SVEP1: variants seen among roughly 807,000 people sequenced by gnomAD.
The protein encoded by SVEP1 is sushi, von Willebrand factor type A, EGF and pentraxin domain containing 1.
A neutral mutation model predicts 367.3 loss-of-function variants in SVEP1; 164 were observed. The ratio of observed to expected loss-of-function variants is 0.45; its 90% CI spans 0.39 to 0.51. SVEP1 has a LOEUF of 0.51. SVEP1 is among the 20% of genes least tolerant of loss of function. The probability of loss-of-function intolerance (pLI) is 0.00; values close to 1 mark genes in which losing one functional copy is unlikely to be tolerated. For synonymous variants in SVEP1, 1,666 were observed against 1,611.6 expected, an observed-to-expected ratio of 1.03 and a Z score of -0.81; for missense variants, 4,117 against 4,425.3, an observed-to-expected ratio of 0.93 and a Z score of 1.98.
chr9:110,434,250 C>A, intron 30 of SVEP1, 86 bp downstream of exon 30: 1 of 1,380,140 alleles, frequency 7.2e-7, no homozygotes, highest in Non-Finnish European at 9.8e-7. Flanking sequence ...GTGAAGTATT[C>A]ACTCTTTGTC....
intron 3 of SVEP1, among the ~76,000 whole-genome samples, chr9:110,527,593 A>G (rs1035188925): frequency 7.2e-5 from 11 of 152,134 alleles, no homozygotes; most frequent in Non-Finnish European, 1.2e-4. Context: ...TGGCTCAGAA[A>G]TATTTTCATT....
Position 110,544,178 on chromosome 9 carries a change from G to A in SVEP1, c.964+1937C>T, listed in dbSNP as rs576832724. Among the ~76,000 whole-genome samples, 9 of 152,242 alleles carry A rather than the reference G, an allele frequency of 5.9e-5. 1 individual carries two copies. In the South Asian group the frequency reaches 1.7e-3, roughly 28 times the overall value. ...AAAAAAGAAAGGAGAAAAGAAGAGAGAAACTTTCAGACAGACAAGAGAACC... is the reference window on the plus strand; with the variant it reads ...AAAAAAGAAAGGAGAAAAGAAGAGAAAAACTTTCAGACAGACAAGAGAACC... On this transcript the variant is annotated intron_variant, in intron 3 of 47. Transcript: ENST00000374469.
At chr9:110,520,664 G>A (rs990911627) in intron 3 of SVEP1, among the ~76,000 whole-genome samples, 10 of 152,060 alleles carry the variant, frequency 6.6e-5, no homozygotes, top group African/African-American at 1.7e-4. Flanking sequence ...TATCTTACCC[G>A]TTAAATATCA....
intron 18 of SVEP1, among the ~76,000 whole-genome samples, chr9:110,463,070 A>T (rs1267645263): frequency 1.3e-5 from 2 of 152,102 alleles, no homozygotes; most frequent in Non-Finnish European, 2.9e-5. Context: ...CATTTTAAAT[A>T]AATAAATCAG....
At chr9:110,469,864 G>A (rs4978932) in intron 16 of SVEP1, among the ~76,000 whole-genome samples, 1 of 152,046 alleles carries the variant, frequency 6.6e-6, no homozygotes, top group Non-Finnish European at 1.5e-5. Flanking sequence ...CGCTCAACGT[G>A]ATTCCTAATT....
chr9:110,542,154 G>C (rs1830159208), intron 3 of SVEP1, among the ~76,000 whole-genome samples: 2 of 152,072 alleles, frequency 1.3e-5, no homozygotes, highest in Admixed American at 1.3e-4. Context: ...TTGTCTCTGA[G>C]AAGCAATGTA....
At chr9:110,455,476 T>A in intron 22 of SVEP1, 114 bp downstream of exon 22, 1 of 728,524 alleles carries the variant, frequency 1.4e-6, no homozygotes, top group Non-Finnish European at 2.1e-6. Context: ...GCTTCTTCAA[T>A]ATGTTTATAA....
intron 23 of SVEP1, among the ~76,000 whole-genome samples, chr9:110,450,783 G>A (rs571982035): frequency 5.9e-5 from 9 of 151,868 alleles, no homozygotes; most frequent in Non-Finnish European, 1.0e-4. Context: ...CCGATAATCT[G>A]CTTTTTTAAA....
At position 110,387,452 on chromosome 9, in the gene SVEP1, C is replaced by T. The variant is rs766258144; in HGVS notation, c.9893G>A (p.Arg3298Lys). 1.9e-6 allele frequency: 3 copies of T among 1,601,658 alleles called. No individual in the cohort carries two copies. The African/African-American group carries it at 4.1e-5, about 22-fold the overall frequency. ...SGGVAICKET[R>K]CETPLEFLNG... is the part of the protein sequence containing the mutation. Reference sequence around the variant, plus strand: ...GAGAAATTCAAGTGGAGTTTCACACCTGGTCTCTAAAAACAAGAATAAAAG... The same window carrying T: ...GAGAAATTCAAGTGGAGTTTCACACTTGGTCTCTAAAAACAAGAATAAAAG... The change falls in exon 42 of 48, where the codon AGG (arginine) becomes AAG (lysine). Residue 3298 changes from arginine to lysine, a missense_variant. Transcript: ENST00000374469.
intron 3 of SVEP1, among the ~76,000 whole-genome samples, chr9:110,518,775 TCTTCTGGTTTTTACAA>T (rs1829840460): frequency 1.3e-5 from 2 of 152,202 alleles, no homozygotes; most frequent in Non-Finnish European, 2.9e-5. Flanking sequence ...TCATCATCTC[TCTTCTGGTTTTTACAA>T]CATCCTCCTT....
intron 18 of SVEP1, 92 bp downstream of exon 18, chr9:110,465,773 G>C (rs1464880716): frequency 7.0e-7 from 1 of 1,427,210 alleles, no homozygotes; most frequent in Non-Finnish European, 9.5e-7. Flanking sequence ...TGTGCATAGA[G>C]TAGATGTATG....
At chr9:110,504,349 C>T (rs1230160290) in intron 5 of SVEP1, among the ~76,000 whole-genome samples, 1 of 152,084 alleles carries the variant, frequency 6.6e-6, no homozygotes, top group Non-Finnish European at 1.5e-5. Context: ...CGTGAGCCAC[C>T]GCACCCGCCC....
chr9:110,398,662 C>G (rs1388787214), intron 40 of SVEP1, among the ~76,000 whole-genome samples: 1 of 152,048 alleles, frequency 6.6e-6, no homozygotes. Flanking sequence ...AACAAACAAC[C>G]CCATCAAAAA....
chr9:110,540,841 T>C (rs1468609745), intron 3 of SVEP1, among the ~76,000 whole-genome samples: 5 of 152,200 alleles, frequency 3.3e-5, no homozygotes, highest in East Asian at 3.8e-4. Flanking sequence ...CAGGATCTTG[T>C]CCATGAAGTA....
intron 1 of SVEP1, among the ~76,000 whole-genome samples, chr9:110,555,782 G>C (rs542460840): frequency 1.3e-5 from 2 of 152,152 alleles, no homozygotes; most frequent in East Asian, 1.9e-4. Context: ...GGATAGAGGA[G>C]GGGTGGGGGA....
chr9:110,392,151 A>ATATATATATATATATATATATATCTATC (rs1308038317), intron 40 of SVEP1, among the ~76,000 whole-genome samples: 9 of 146,088 alleles, frequency 6.2e-5, no homozygotes, highest in African/African-American at 2.4e-4. Flanking sequence ...ATATATATAT[A>ATATATATATATATATATATATATCTATC]TATCTCTTCT....
At chr9:110,437,893 T>C (rs1271997012) in intron 27 of SVEP1, among the ~76,000 whole-genome samples, 2 of 152,100 alleles carry the variant, frequency 1.3e-5, no homozygotes, top group African/African-American at 4.8e-5. Flanking sequence ...TTTCCCAATC[T>C]ACGTGTTTTT....
chr9:110,549,814 A>G, intron 2 of SVEP1, 35 bp downstream of exon 2: 3 of 1,607,894 alleles, frequency 1.9e-6, no homozygotes, highest in Non-Finnish European at 2.6e-6. Context: ...GCCTCATTTA[A>G]AAGTACCTTT....
chr9:110,536,744 C>T lies in SVEP1; in HGVS notation c.964+9371G>A, dbSNP rs142722467. Among the ~76,000 whole-genome samples, 1,034 of 151,816 alleles carry T rather than the reference C, an allele frequency of 6.8e-3. 22 individuals are homozygous for T. The highest frequency in any genetic ancestry group is 0.023 in the African/African-American group (972 of 41,460). On this transcript the variant is annotated intron_variant, in intron 3 of 47. Coordinates refer to ENST00000374469, the MANE Select transcript of SVEP1 (RefSeq NM_153366.4). ...TAAGTTCTAGGGTACATGTGCATAA[C>T]GTGTAGGTTTGTTACATATGTATAC...
Sources: allele counts gnomAD v4.1 joint callset (sites outside exome capture counted in the v4.1 genomes callset), GRCh38; gene constraint gnomAD v4.1.1; transcripts MANE v1.5; gene names NCBI Gene and HGNC (gene_info 2026-07-23, HGNC 2026-07-21).